Variants in SLC66A3 observed in about 807,000 individuals in gnomAD.
The protein encoded by SLC66A3 is PQ loop repeat containing 3.
Under a neutral mutation model 25.5 loss-of-function variants are expected in SLC66A3, and 23 were observed. The observed-to-expected ratio is 0.90, with a 90% CI of 0.65 to 1.28. SLC66A3 has a LOEUF of 1.28. Ranked by LOEUF, SLC66A3 falls within the 50% of genes most tolerant of loss-of-function variation. The probability of loss-of-function intolerance (pLI) is 0.00; values close to 1 mark genes in which losing one functional copy is unlikely to be tolerated. For synonymous variants in SLC66A3, 108 were observed against 112.6 expected (o/e 0.96, Z 0.26); for missense variants, 246 against 262.1 (o/e 0.94, Z 0.42).
intron 6 of SLC66A3, among the ~76,000 whole-genome samples, chr2:11,177,072 C>G (rs1289500144): frequency 6.6e-6 from 1 of 152,100 alleles, no homozygotes; most frequent in African/African-American, 2.4e-5. Flanking sequence ...ATGATCTTAA[C>G]AGAGTATGTT....
At chr2:11,162,351 G>T (rs1038635398) in intron 3 of SLC66A3, among the ~76,000 whole-genome samples, 1 of 152,178 alleles carries the variant, frequency 6.6e-6, no homozygotes, top group Non-Finnish European at 1.5e-5. Context: ...GCTGGTTAAA[G>T]GTTTTGGTAA....
rs1662829130 is a variant in SLC66A3, at chr2:11,178,064, T to G, written c.*236T>G. The G allele has an allele frequency of 2.7e-6, 1 of 376,560 alleles. No homozygotes were observed. The highest frequency in any genetic ancestry group is 2.3e-5 in the African/African-American group (1 of 44,370). The allele number at this position is 376,560 out of a possible 1,614,324, so 23.3% of individuals were successfully genotyped here. A position where few individuals can be genotyped will look rare whatever the true frequency, so the allele number is the denominator to read the frequency against. ...GGTAGTGCTCAGACATCTGCAGTGT[T>G]GAGGCCAGTCACTGTTGGAAGTCAT... On this transcript the variant is annotated 3_prime_UTR_variant, in exon 7 of 7. Transcript: ENST00000295083.
intron 5 of SLC66A3, among the ~76,000 whole-genome samples, chr2:11,172,312 C>T (rs1311401754): frequency 6.6e-6 from 1 of 151,824 alleles, no homozygotes; most frequent in Non-Finnish European, 1.5e-5. Flanking sequence ...TATTAATTAG[C>T]TCTGTCTTCT....
At chr2:11,168,139 G>T (rs1320265454) in intron 4 of SLC66A3, among the ~76,000 whole-genome samples, 2 of 152,024 alleles carry the variant, frequency 1.3e-5, no homozygotes, top group Non-Finnish European at 2.9e-5. Flanking sequence ...AAAAAAATTA[G>T]CCGGGTGTGG....
intron 6 of SLC66A3, among the ~76,000 whole-genome samples, chr2:11,176,979 T>G (rs1662777734): frequency 6.6e-6 from 1 of 152,174 alleles, no homozygotes; most frequent in Non-Finnish European, 1.5e-5. Flanking sequence ...ATATATTTAT[T>G]TATTTATTTT....
At chr2:11,165,630 C>T (rs1662308487) in intron 4 of SLC66A3, among the ~76,000 whole-genome samples, 1 of 152,344 alleles carries the variant, frequency 6.6e-6, no homozygotes, top group Admixed American at 6.5e-5. Flanking sequence ...CGGGCAGAGG[C>T]TGCAATCTCG....
At chr2:11,165,818 A>G (rs531028575) in intron 4 of SLC66A3, among the ~76,000 whole-genome samples, 93 of 152,008 alleles carry the variant, frequency 6.1e-4, no homozygotes, top group Non-Finnish European at 1.2e-3. Context: ...GCTGGAGACC[A>G]GCCCGGCCAA....
intron 4 of SLC66A3, among the ~76,000 whole-genome samples, chr2:11,170,800 A>G (rs1353965575): frequency 6.6e-6 from 1 of 151,436 alleles, no homozygotes; most frequent in East Asian, 2.0e-4. Context: ...CATGTTGGCC[A>G]GGCTGGTCTC....
intron 2 of SLC66A3, 28 bp from the exon 3 acceptor site, chr2:11,160,597 C>G (rs766186908): frequency 5.5e-5 from 89 of 1,614,066 alleles, no homozygotes; most frequent in Non-Finnish European, 6.9e-5. Flanking sequence ...CTCCCCTTCC[C>G]CCCTCACTCG....
At chr2:11,160,801 TAAAAA>T (rs35227502) in intron 3 of SLC66A3, 107 bp downstream of exon 3, 19,468 of 1,206,776 alleles carry the variant, frequency 0.016, 9 homozygotes, top group Middle Eastern at 0.02. Context: ...TTGGTTAAAC[TAAAAA>T]AAAAAAAAAA....
At chr2:11,158,935 C>A (rs1467418169) in intron 1 of SLC66A3, among the ~76,000 whole-genome samples, 1 of 152,224 alleles carries the variant, frequency 6.6e-6, no homozygotes, top group African/African-American at 2.4e-5. Context: ...ACGGCAAAAC[C>A]TGCAGGGGCA....
In SLC66A3 at chr2:11,160,469, C is replaced by A; in HGVS notation, c.147C>A (p.Phe49Leu). ...ACATGTGCCCTTCTCTCTCCAGATT[C>A]CTGGTGTTTCTGCGGTACCAGTGTT... is the stretch of plus-strand genomic sequence containing the variant. ...LPSLLLELAG[F>L]LVFLRYQCYY... Residue 49 changes from phenylalanine (F) to leucine (L), a missense_variant, in exon 2 of 7, where the codon TTC becomes TTA. Transcript: ENST00000295083. 1 of 1,614,134 alleles carries A rather than the reference C, an allele frequency of 6.2e-7. No individual in the cohort carries two copies. Among genetic ancestry groups the A allele is most frequent in the Non-Finnish European group, 8.5e-7 (1 of 1,180,000 alleles).
At chr2:11,172,173 T>TCC in intron 5 of SLC66A3, 128 bp downstream of exon 5, 1 of 742,934 alleles carries the variant, frequency 1.3e-6, no homozygotes, top group Non-Finnish European at 2.1e-6. Context: ...GCTACTCAGC[T>TCC]AGAACCTCCT....
At chr2:11,175,973 G>T (rs1049007212) in intron 6 of SLC66A3, among the ~76,000 whole-genome samples, 2 of 152,194 alleles carry the variant, frequency 1.3e-5, no homozygotes, top group Non-Finnish European at 2.9e-5. Context: ...CAGCTCTGAT[G>T]ATAGGACTAA....
intron 4 of SLC66A3, among the ~76,000 whole-genome samples, chr2:11,169,333 C>G (rs1236694800): frequency 6.6e-6 from 1 of 152,198 alleles, no homozygotes; most frequent in African/African-American, 2.4e-5. Context: ...CCTGGGGACC[C>G]AGCAGGAAAC....
chr2:11,164,110 G>A, intron 3 of SLC66A3, 94 bp from the exon 4 acceptor site: 5 of 734,084 alleles, frequency 6.8e-6, no homozygotes, highest in South Asian at 1.7e-5. Flanking sequence ...TGGCTTCTGC[G>A]TGCCGCTGTC....
Position 11,165,275 on chromosome 2 carries a change from C to T in SLC66A3, c.354+1014C>T, listed in dbSNP as rs973576984. ...CCTCACTTCTCAGAGGGGCGGCTGCCGGGCAGAGGGGCTCCTCACTTCTCA... is the reference window on the plus strand; with the variant it reads ...CCTCACTTCTCAGAGGGGCGGCTGCTGGGCAGAGGGGCTCCTCACTTCTCA... On this transcript the variant is annotated intron_variant, in intron 4 of 6. Transcript: ENST00000295083. 1.4e-4 allele frequency among the ~76,000 whole-genome samples: 18 copies of T among 132,918 alleles called. 1 individual carries two copies. Among genetic ancestry groups the T allele is most frequent in the Non-Finnish European group, 2.4e-4 (15 of 62,424 alleles). The allele number at this position is 132,918 out of a possible 152,430, so 87.2% of individuals were successfully genotyped here. A position where few individuals can be genotyped will look rare whatever the true frequency, so the allele number is the denominator to read the frequency against.
intron 1 of SLC66A3, among the ~76,000 whole-genome samples, chr2:11,156,033 A>G (rs1661887624): frequency 6.6e-6 from 1 of 152,218 alleles, no homozygotes; most frequent in Non-Finnish European, 1.5e-5. Flanking sequence ...CGAGGCTGTC[A>G]TATTCATTGT....
chr2:11,173,204 G>A (rs1477050008), intron 5 of SLC66A3, among the ~76,000 whole-genome samples: 1 of 152,138 alleles, frequency 6.6e-6, no homozygotes, highest in Admixed American at 6.6e-5. Flanking sequence ...GCCAAGGCTG[G>A]TCTCAAACTA....
Sources: gnomAD v4.1 joint callset for allele counts (sites outside exome capture counted in the v4.1 genomes callset) on GRCh38, gnomAD v4.1.1 for gene constraint, MANE v1.5 for transcripts, NCBI Gene and HGNC (gene_info 2026-07-23, HGNC 2026-07-21) for gene names.